The following TBC1D5 variants were observed in gnomAD, a reference collection of about 807,000 sequenced individuals.
TBC1D5 encodes the protein TBC1 domain family member 5.
In TBC1D5, 75 loss-of-function variants were observed where a neutral mutation model predicts 100.3. The observed-to-expected ratio is 0.75, with a 90% CI of 0.62 to 0.91. TBC1D5 has a LOEUF of 0.91. Ranked by LOEUF, TBC1D5 falls within the 40% of genes least tolerant of loss-of-function variation. The pLI, the probability that TBC1D5 is intolerant of heterozygous loss-of-function variation, is 0.00. For missense variants in TBC1D5, 910 were observed against 942.4 expected (o/e 0.97, Z 0.45); for synonymous variants, 323 against 325.6 (o/e 0.99, Z 0.09).
At chr3:17,243,790 T>C (rs1468350595) in intron 16 of TBC1D5, among the ~76,000 whole-genome samples, 1 of 152,154 alleles carries the variant, frequency 6.6e-6, no homozygotes, top group Non-Finnish European at 1.5e-5. Context: ...CTCACAGTGA[T>C]GACACTGAAG....
chr3:17,702,853 C>T (rs1041007265), intron 1 of TBC1D5, among the ~76,000 whole-genome samples: 3 of 151,952 alleles, frequency 2.0e-5, no homozygotes, highest in Non-Finnish European at 4.4e-5. Context: ...CAGAGTGTGG[C>T]AAAAATTGTC....
chr3:17,262,266 C>T (rs995712189), intron 15 of TBC1D5, among the ~76,000 whole-genome samples: 2 of 152,102 alleles, frequency 1.3e-5, no homozygotes, highest in Non-Finnish European at 2.9e-5. Context: ...GTATTGAATA[C>T]AGTAGACAGG....
chr3:17,335,839 C>G lies in TBC1D5; in HGVS notation c.996-27705G>C, dbSNP rs181576399. Among the ~76,000 whole-genome samples the G allele has an allele frequency of 9.9e-4, 151 of 152,220 alleles. 2 individuals carry two copies. Among genetic ancestry groups the G allele is most frequent in the Non-Finnish European group, 2.2e-4 (15 of 67,996 alleles). ...GAGACAAAGTATATATTCATAATTA[C>G]TGGAGGTCTTATGTTGGCACAGTGA... On this transcript the variant is annotated intron_variant, in intron 13 of 21. Coordinates refer to ENST00000253692, the Ensembl canonical transcript of TBC1D5.
At chr3:17,273,624 T>C (rs2079653729) in intron 15 of TBC1D5, among the ~76,000 whole-genome samples, 1 of 151,978 alleles carries the variant, frequency 6.6e-6, no homozygotes, top group South Asian at 2.1e-4. Context: ...CTGGCCAACA[T>C]GGCGAAACCC....
intron 2 of TBC1D5, among the ~76,000 whole-genome samples, chr3:17,611,419 T>C (rs915177247): frequency 3.5e-4 from 53 of 152,214 alleles, no homozygotes; most frequent in African/African-American, 1.3e-3. Context: ...AGAAGAGGCC[T>C]AGAACATGCC....
chr3:17,226,069 T>C (rs1188680820), intron 17 of TBC1D5, among the ~76,000 whole-genome samples: 4 of 151,076 alleles, frequency 2.6e-5, no homozygotes, highest in Non-Finnish European at 4.4e-5. Context: ...TGGAGATACA[T>C]AGGAAAAGCC....
At chr3:17,435,933 C>G (rs1358020680) in intron 3 of TBC1D5, among the ~76,000 whole-genome samples, 1 of 152,124 alleles carries the variant, frequency 6.6e-6, no homozygotes, top group Admixed American at 6.5e-5. Flanking sequence ...GCAAGCGTGG[C>G]TAAATGTTAA....
At chr3:17,631,684 A>G (rs780959700) in intron 1 of TBC1D5, among the ~76,000 whole-genome samples, 1 of 152,242 alleles carries the variant, frequency 6.6e-6, no homozygotes, top group Non-Finnish European at 1.5e-5. Flanking sequence ...TAAATCTTCA[A>G]GCCCTTAAGA....
chr3:17,307,021 T>C (rs2083470763), intron 14 of TBC1D5, among the ~76,000 whole-genome samples: 1 of 147,570 alleles, frequency 6.8e-6, no homozygotes, highest in African/African-American at 2.4e-5. Context: ...AATGTGGTGC[T>C]CCTGTCACTT....
intron 2 of TBC1D5, 23 bp from the exon 3 acceptor site, chr3:17,508,628 G>T: frequency 8.6e-7 from 1 of 1,169,344 alleles, no homozygotes; most frequent in Non-Finnish European, 1.3e-6. Flanking sequence ...AAAATACAGA[G>T]AAAAATAATA....
intron 2 of TBC1D5, among the ~76,000 whole-genome samples, chr3:17,558,284 T>C (rs112688803): frequency 2.0e-5 from 3 of 152,186 alleles, no homozygotes; most frequent in African/African-American, 7.2e-5. Context: ...AGGAAATCTT[T>C]ATGGAAAACA....
At chr3:17,620,298 C>A (rs1399044553) in intron 2 of TBC1D5, among the ~76,000 whole-genome samples, 1 of 152,150 alleles carries the variant, frequency 6.6e-6, no homozygotes, top group Non-Finnish European at 1.5e-5. Flanking sequence ...GCCCCTTCAA[C>A]CAGCAATCCC....
intron 2 of TBC1D5, among the ~76,000 whole-genome samples, chr3:17,517,329 A>G (rs1384841960): frequency 6.6e-6 from 1 of 152,244 alleles, no homozygotes; most frequent in Non-Finnish European, 1.5e-5. Flanking sequence ...CTAAAAGGTT[A>G]GTTCATAAAC....
In TBC1D5 at chr3:17,403,170, G is replaced by A; in HGVS notation, c.509+11C>T. ...AATTATTGAAAGTAACATGTAAATAGTTCTACATACGTTCTTTTGACATCT... is the reference window on the plus strand; with the variant it reads ...AATTATTGAAAGTAACATGTAAATAATTCTACATACGTTCTTTTGACATCT... On this transcript the variant is annotated intron_variant, in intron 8 of 21. Transcript: ENST00000253692. 1.3e-6 allele frequency: 2 copies of A among 1,568,960 alleles called. No homozygotes were observed. Among genetic ancestry groups the A allele is most frequent in the Admixed American group, 1.8e-5 (1 of 55,420 alleles).
At chr3:17,497,181 TAACA>T (rs2095722389) in intron 3 of TBC1D5, among the ~76,000 whole-genome samples, 1 of 151,392 alleles carries the variant, frequency 6.6e-6, no homozygotes, top group African/African-American at 2.4e-5. Flanking sequence ...TGTTTGTTAT[TAACA>T]TTTAGCCGAA....
intron 15 of TBC1D5, among the ~76,000 whole-genome samples, chr3:17,286,946 A>C (rs1000642853): frequency 6.6e-6 from 1 of 152,106 alleles, no homozygotes; most frequent in Non-Finnish European, 1.5e-5. Flanking sequence ...CAGTTCTAAA[A>C]CTCTGACAGC....
At chr3:17,375,346 A>G (rs1047063960) in intron 10 of TBC1D5, among the ~76,000 whole-genome samples, 1 of 152,044 alleles carries the variant, frequency 6.6e-6, no homozygotes, top group African/African-American at 2.4e-5. Flanking sequence ...AGGTGGGTAG[A>G]TCACGAGGTC....
At chr3:17,202,078 G>T (rs549331388) in intron 18 of TBC1D5, among the ~76,000 whole-genome samples, 131 of 152,300 alleles carry the variant, frequency 8.6e-4, no homozygotes, top group Middle Eastern at 6.8e-3. Flanking sequence ...TTAAACTGTT[G>T]TGACCAAAAT....
chr3:17,464,151 A>G (rs1461830612), intron 3 of TBC1D5, among the ~76,000 whole-genome samples: 1 of 151,896 alleles, frequency 6.6e-6, no homozygotes, highest in Non-Finnish European at 1.5e-5. Flanking sequence ...GGGTTTCTCC[A>G]TATTGGTCAG....
Sources: gnomAD v4.1 joint callset for allele counts (sites outside exome capture counted in the v4.1 genomes callset) on GRCh38, gnomAD v4.1.1 for gene constraint, MANE v1.5 for transcripts, NCBI Gene and HGNC (gene_info 2026-07-23, HGNC 2026-07-21) for gene names.